The following GALNT5 variants were observed in gnomAD, a reference collection of about 807,000 sequenced individuals.
GALNT5 encodes the protein UDP-GalNAc:polypeptide N-acetylgalactosaminyltransferase 5.
In GALNT5, 72 loss-of-function variants were observed where a neutral mutation model predicts 85.4. That is an observed-to-expected ratio of 0.84 (90% confidence interval 0.70 to 1.03). GALNT5 has a LOEUF of 1.03. Among genes scored for constraint, GALNT5 ranks in the 50% least tolerant of loss-of-function variants. The probability of loss-of-function intolerance (pLI) is 0.00; values close to 1 mark genes in which losing one functional copy is unlikely to be tolerated. For missense variants in GALNT5, 1,137 were observed against 1,135.5 expected, an observed-to-expected ratio of 1.00 and a Z score of -0.02; for synonymous variants, 404 against 397.0, an observed-to-expected ratio of 1.02 and a Z score of -0.21.
At chr2:157,281,601 T>C (rs1682856169) in intron 1 of GALNT5, among the ~76,000 whole-genome samples, 1 of 150,724 alleles carries the variant, frequency 6.6e-6, no homozygotes, top group African/African-American at 2.5e-5. Context: ...AGCAAGACTC[T>C]ATTTCAGAAA....
intron 7 of GALNT5, 56 bp downstream of exon 7, chr2:157,301,055 C>T: frequency 3.1e-6 from 4 of 1,272,866 alleles, no homozygotes; most frequent in Non-Finnish European, 4.4e-6. Context: ...CACAAAATCT[C>T]TTTCAAAAAT....
At chr2:157,281,164 A>G (rs935927666) in intron 1 of GALNT5, among the ~76,000 whole-genome samples, 6 of 152,160 alleles carry the variant, frequency 3.9e-5, no homozygotes, top group African/African-American at 1.4e-4. Flanking sequence ...CCAGGGTTCA[A>G]GCGATTCTCC....
chr2:157,274,057 G>C (rs533172554), intron 1 of GALNT5, among the ~76,000 whole-genome samples: 1 of 151,980 alleles, frequency 6.6e-6, no homozygotes, highest in South Asian at 2.1e-4. Context: ...TCCCACCTAT[G>C]AGTGAAAACA....
chr2:157,302,933 C>T (rs1683372370), intron 7 of GALNT5, among the ~76,000 whole-genome samples: 1 of 152,212 alleles, frequency 6.6e-6, no homozygotes. Flanking sequence ...GCGTTATTAA[C>T]ATTTTTAAAA....
Position 157,259,445 on chromosome 2 carries a change from G to A in GALNT5, c.1363G>A (p.Ala455Thr). Reference sequence around the variant, plus strand: ...TGTCCCCCATGGAAAGGAGAAGGAGGCAGAAAGAAGATGGAAAGAAGGAAA... The same window carrying A: ...TGTCCCCCATGGAAAGGAGAAGGAGACAGAAAGAAGATGGAAAGAAGGAAA... ...VVVPHGKEKE[A>T]ERRWKEGNFN... is the part of the protein sequence containing the mutation. The change falls in exon 1 of 10, where the codon GCA becomes ACA. Residue 455 changes from alanine (A) to threonine (T), a missense_variant. Transcript: ENST00000259056. 4 of 1,465,052 alleles carry A rather than the reference G, an allele frequency of 2.7e-6. No homozygotes were observed. In the African/African-American group the frequency reaches 4.2e-5, roughly 16 times the overall value. 90.8% of individuals were successfully genotyped at this position (1,465,052 alleles called of 1,614,324 possible).
At chr2:157,264,621 G>A (rs759914588) in intron 1 of GALNT5, among the ~76,000 whole-genome samples, 1 of 151,998 alleles carries the variant, frequency 6.6e-6, no homozygotes. Context: ...CATTTGAAAA[G>A]CAAAAGATAG....
intron 8 of GALNT5, among the ~76,000 whole-genome samples, chr2:157,308,347 T>C (rs6437053): frequency 0.81 from 123,605 of 152,218 alleles, 51,602 homozygotes; most frequent in Non-Finnish European, 0.92. Flanking sequence ...CTGAGATAGA[T>C]ACAATCGCTA....
At chr2:157,292,793 C>A (rs533836387) in intron 3 of GALNT5, among the ~76,000 whole-genome samples, 1 of 152,200 alleles carries the variant, frequency 6.6e-6, no homozygotes, top group African/African-American at 2.4e-5. Flanking sequence ...GCAACCTCCG[C>A]CTCCTGGGTT....
At chr2:157,275,615 G>C (rs999502694) in intron 1 of GALNT5, among the ~76,000 whole-genome samples, 1 of 152,104 alleles carries the variant, frequency 6.6e-6, no homozygotes, top group Non-Finnish European at 1.5e-5. Flanking sequence ...CTAATGATTT[G>C]GCTTTCTGTT....
intron 8 of GALNT5, among the ~76,000 whole-genome samples, chr2:157,306,075 C>T (rs538070570): frequency 1.4e-4 from 21 of 152,302 alleles, no homozygotes; most frequent in Admixed American, 3.3e-4. Context: ...AGCGTGTTAA[C>T]GTCTGCAGAT....
At chr2:157,306,731 T>G (rs539910381) in intron 8 of GALNT5, among the ~76,000 whole-genome samples, 258 of 152,328 alleles carry the variant, frequency 1.7e-3, no homozygotes, top group Admixed American at 4.9e-3. Context: ...AGATACTGTT[T>G]ATATTTTTTG....
In GALNT5 at chr2:157,312,665, A is replaced by C. The variant is rs1683601123; in HGVS notation, c.*1317A>C. The C allele has an allele frequency of 6.6e-6, 1 of 152,166 alleles. No individual in the cohort carries two copies. Among genetic ancestry groups the C allele is most frequent in the African/African-American group, 2.4e-5 (1 of 41,460 alleles). 9.4% of individuals were successfully genotyped at this position (152,166 alleles called of 1,614,324 possible). A position where few individuals can be genotyped will look rare whatever the true frequency, so the allele number is the denominator to read the frequency against. ...TGGTAAGAAAACTGATGCTGAGAGG[A>C]TAAATTACCTAAAAATCTTAAAACC... On this transcript the variant is annotated 3_prime_UTR_variant, in exon 10 of 10. Transcript: ENST00000259056.
At chr2:157,267,406 A>G (rs960088405) in intron 1 of GALNT5, among the ~76,000 whole-genome samples, 1 of 152,230 alleles carries the variant, frequency 6.6e-6, no homozygotes, top group Admixed American at 6.5e-5. Flanking sequence ...CTTATGACCC[A>G]AAGGAAAGCA....
At chr2:157,285,008 G>A (rs1037671041) in intron 2 of GALNT5, among the ~76,000 whole-genome samples, 5 of 152,220 alleles carry the variant, frequency 3.3e-5, no homozygotes, top group Non-Finnish European at 5.9e-5. Flanking sequence ...TTATTACAGT[G>A]AAGAATCTCA....
intron 1 of GALNT5, among the ~76,000 whole-genome samples, chr2:157,272,256 G>C (rs937552755): frequency 4.6e-5 from 7 of 152,054 alleles, no homozygotes; most frequent in African/African-American, 9.7e-5. Flanking sequence ...GGAGAACAGG[G>C]ATGACAAATT....
intron 1 of GALNT5, among the ~76,000 whole-genome samples, chr2:157,277,268 C>T (rs565926794): frequency 8.5e-5 from 13 of 152,222 alleles, no homozygotes; most frequent in South Asian, 6.2e-4. Flanking sequence ...AGAATAAGTG[C>T]GATGTGGTGC....
chr2:157,263,452 G>T (rs999630134), intron 1 of GALNT5, among the ~76,000 whole-genome samples: 5 of 152,118 alleles, frequency 3.3e-5, no homozygotes, highest in African/African-American at 9.7e-5. Flanking sequence ...CCATGAGGTA[G>T]CTGTGACCTC....
In GALNT5 at chr2:157,259,179, TGTCTTC is replaced by T. The variant is rs1281186326; in HGVS notation, c.1098_1103del (p.Met366_Ser368delinsIle). ...CACATTTCCAGGAATAGAAGTGAGA[TGTCTTC>T]CTCTTCACTTGCTCCACATAGAGTG... On this transcript the variant is annotated inframe_deletion, in exon 1 of 10. Transcript: ENST00000259056. The T allele has an allele frequency of 7.8e-6, 12 of 1,534,494 alleles. No homozygotes were observed. Among genetic ancestry groups the T allele is most frequent in the Non-Finnish European group, 8.7e-6 (10 of 1,144,054 alleles).
At chr2:157,285,197 A>G (rs1574023381) in intron 2 of GALNT5, among the ~76,000 whole-genome samples, 2 of 152,206 alleles carry the variant, frequency 1.3e-5, no homozygotes, top group South Asian at 4.1e-4. Flanking sequence ...TTAGCTTCAG[A>G]GTTTCTGCCA....
Sources: allele counts gnomAD v4.1 joint callset (sites outside exome capture counted in the v4.1 genomes callset), GRCh38; gene constraint gnomAD v4.1.1; transcripts MANE v1.5; gene names NCBI Gene and HGNC (gene_info 2026-07-23, HGNC 2026-07-21).